The following KLHL42 variants were observed in gnomAD, a reference collection of about 807,000 sequenced individuals.
The protein encoded by KLHL42 is kelch like family member 42, also known as kelch-like protein 42.
KLHL42 carries 27 observed loss-of-function variants against 32.7 expected under a neutral mutation model. The ratio of observed to expected loss-of-function variants is 0.83; its 90% CI spans 0.61 to 1.14. The LOEUF is 1.14. Among genes scored for constraint, KLHL42 ranks in the 50% most tolerant of loss-of-function variants. The pLI is 0.00. For missense variants in KLHL42, 491 were observed against 560.8 expected, an observed-to-expected ratio of 0.88 and a Z score of 1.26; for synonymous variants, 267 against 248.2, an observed-to-expected ratio of 1.08 and a Z score of -0.71.
In KLHL42 at chr12:27,791,715, T is replaced by C; in HGVS notation, c.880T>C (p.Phe294Leu). 1 of 1,613,932 alleles carries C rather than the reference T, an allele frequency of 6.2e-7. No homozygotes were observed. Among genetic ancestry groups the C allele is most frequent in the Non-Finnish European group, 8.5e-7 (1 of 1,179,808 alleles). Residue 294 changes from phenylalanine to leucine, a missense_variant, in exon 2 of 3, where the codon TTC becomes CTC. By Grantham distance (22) the Phe-to-Leu change is conservative. Coordinates refer to ENST00000381271, the MANE Select transcript of KLHL42 (RefSeq NM_020782.2). ...VASMNQKRSN[F>L]KLVAVNSKLY... Reference sequence around the variant, plus strand: ...TTTGTGTCTCTCTTTCAGGTCTAACTTCAAACTTGTGGCTGTTAATTCAAA... The same window carrying C: ...TTTGTGTCTCTCTTTCAGGTCTAACCTCAAACTTGTGGCTGTTAATTCAAA...
chr12:27,785,819 T>C (rs560508329), intron 1 of KLHL42, among the ~76,000 whole-genome samples: 1 of 152,374 alleles, frequency 6.6e-6, no homozygotes, highest in South Asian at 2.1e-4. Context: ...AAAAAAACTA[T>C]GGAATATATT....
chr12:27,782,071 T>C (rs1005752591), intron 1 of KLHL42, among the ~76,000 whole-genome samples: 2 of 152,304 alleles, frequency 1.3e-5, no homozygotes, highest in South Asian at 4.1e-4. Flanking sequence ...AGAATCAATG[T>C]AACTCAAGAA....
intron 1 of KLHL42, chr12:27,788,030 C>A (rs1387938447): frequency 6.6e-6 from 1 of 152,182 alleles, no homozygotes; most frequent in Non-Finnish European, 1.5e-5. Context: ...CCCCTTCTCC[C>A]CTTCCTAGTC....
intron 1 of KLHL42, among the ~76,000 whole-genome samples, chr12:27,786,506 A>G (rs2062172485): frequency 6.6e-6 from 1 of 152,174 alleles, no homozygotes. Context: ...CACTGGAAGA[A>G]ATTTGGAACC....
intron 2 of KLHL42, among the ~76,000 whole-genome samples, chr12:27,796,102 T>G (rs1312897742): frequency 6.6e-6 from 1 of 151,938 alleles, no homozygotes; most frequent in Non-Finnish European, 1.5e-5. Flanking sequence ...GAAGGAGAGG[T>G]ATTAATGTGG....
chr12:27,790,389 G>C lies in KLHL42; in HGVS notation c.873-1319G>C, dbSNP rs919719129. On this transcript the variant is annotated intron_variant, in intron 1 of 2. Transcript: ENST00000381271. The stretch of plus-strand genomic sequence containing the variant: ...TATCAGCAGAGCTGGGACTAGAAGC[G>C]AGGTCTTCTGATTTGTGCTCAGGTT... Among the ~76,000 whole-genome samples the C allele has an allele frequency of 4.6e-5, 7 of 152,268 alleles. 1 individual carries two copies. The highest frequency in any genetic ancestry group is 4.6e-4 in the Admixed American group (7 of 15,300).
chr12:27,800,150 C>A lies in KLHL42; in HGVS notation c.*1984C>A. The A allele has an allele frequency of 4.1e-6, 4 of 985,324 alleles. No individual in the cohort carries two copies. The South Asian group carries it at 1.9e-4, about 46-fold the overall frequency. 61.0% of individuals were successfully genotyped at this position (985,324 alleles called of 1,614,324 possible). A position where few individuals can be genotyped will look rare whatever the true frequency, so the allele number is the denominator to read the frequency against. ...ATGAGTCAGTTGAATTAGTACTGGA[C>A]AAACAGTTGGAGATTAGTTTGCAAA... On this transcript the variant is annotated 3_prime_UTR_variant, in exon 3 of 3. Coordinates refer to ENST00000381271, the MANE Select transcript of KLHL42 (RefSeq NM_020782.2).
At chr12:27,789,848 C>T (rs2062188588) in intron 1 of KLHL42, among the ~76,000 whole-genome samples, 1 of 152,050 alleles carries the variant, frequency 6.6e-6, no homozygotes, top group African/African-American at 2.4e-5. Context: ...CTTTAAGGGA[C>T]AAGACGAGGC....
At chr12:27,793,557 AAAAAG>A (rs1382737235) in intron 2 of KLHL42, among the ~76,000 whole-genome samples, 2 of 151,886 alleles carry the variant, frequency 1.3e-5, no homozygotes, top group African/African-American at 4.8e-5. Flanking sequence ...TAAAAAAAAA[AAAAAG>A]AAAAGAAAAA....
At chr12:27,782,800 G>A (rs2062154660) in intron 1 of KLHL42, among the ~76,000 whole-genome samples, 1 of 151,110 alleles carries the variant, frequency 6.6e-6, no homozygotes, top group South Asian at 2.1e-4. Context: ...ATGCATGAAT[G>A]CATGATTCTT....
intron 2 of KLHL42, among the ~76,000 whole-genome samples, chr12:27,793,901 C>A (rs370426470): frequency 9.6e-4 from 146 of 152,264 alleles, no homozygotes; most frequent in African/African-American, 3.4e-3. Context: ...CCTGTGAGGC[C>A]GCAGCAGCCA....
At position 27,798,468 on chromosome 12, in the gene KLHL42, G is replaced by A. The variant is rs1181887172; in HGVS notation, c.*302G>A. On this transcript the variant is annotated 3_prime_UTR_variant, in exon 3 of 3. Transcript: ENST00000381271. ...AATGTAGATTCATTGTGTCTGTGTGGTAAAGGGCCAAAGTCAATAATTGGG... is the reference window on the plus strand; with the variant it reads ...AATGTAGATTCATTGTGTCTGTGTGATAAAGGGCCAAAGTCAATAATTGGG... The A allele has an allele frequency of 9.6e-6, 3 of 313,160 alleles. No homozygotes were observed. The highest frequency in any genetic ancestry group is 6.5e-5 in the African/African-American group (3 of 45,926). The allele number at this position is 313,160 out of a possible 1,614,324, so 19.4% of individuals were successfully genotyped here.
Position 27,798,953 on chromosome 12 carries a change from A to T in KLHL42, c.*787A>T, listed in dbSNP as rs2140825527. The T allele has an allele frequency of 6.5e-6, 1 of 152,720 alleles. No homozygotes were observed. Among genetic ancestry groups the T allele is most frequent in the African/African-American group, 2.4e-5 (1 of 41,544 alleles). The allele number at this position is 152,720 out of a possible 1,614,324, so 9.5% of individuals were successfully genotyped here. ...GAGGATATATTATTTAGAAAAATGGACATATGAATATTATTAAAAATTGAG... is the reference window on the plus strand; with the variant it reads ...GAGGATATATTATTTAGAAAAATGGTCATATGAATATTATTAAAAATTGAG... On this transcript the variant is annotated 3_prime_UTR_variant, in exon 3 of 3. Transcript: ENST00000381271.
At chr12:27,788,199 T>A (rs1295602806) in intron 1 of KLHL42, 2 of 152,242 alleles carry the variant, frequency 1.3e-5, no homozygotes, top group Non-Finnish European at 2.9e-5. Flanking sequence ...TTCTAATTTT[T>A]ACTCTGATGG....
In KLHL42 at chr12:27,800,544, A is replaced by G. The variant is rs1400173718; in HGVS notation, c.*2378A>G. On this transcript the variant is annotated 3_prime_UTR_variant, in exon 3 of 3. Coordinates refer to ENST00000381271, the MANE Select transcript of KLHL42 (RefSeq NM_020782.2). ...TCAGCTGTGATGACATTTTGAGGGT[A>G]GTTTTAATTTAGCTCGGTTCTCTTG... 3 of 221,412 alleles carry G rather than the reference A, an allele frequency of 1.4e-5. No homozygotes were observed. The highest frequency in any genetic ancestry group is 2.3e-5 in the Non-Finnish European group (3 of 131,422). 13.7% of individuals were successfully genotyped at this position (221,412 alleles called of 1,614,324 possible). A position where few individuals can be genotyped will look rare whatever the true frequency, so the allele number is the denominator to read the frequency against.
At chr12:27,784,129 T>G (rs1249203841) in intron 1 of KLHL42, among the ~76,000 whole-genome samples, 2 of 147,972 alleles carry the variant, frequency 1.4e-5, no homozygotes, top group East Asian at 2.0e-4. Context: ...TGTTTTTTTT[T>G]TTTGTTTTTG....
In KLHL42 at chr12:27,802,116, T is replaced by C. The variant is rs759606930; in HGVS notation, c.*3950T>C. On this transcript the variant is annotated 3_prime_UTR_variant, in exon 3 of 3. Transcript: ENST00000381271. ...TTTTCTTTTAAATTTGAACATCACATCTTGTGTTTTAGTTTTTTGCTCTAT... is the reference window on the plus strand; with the variant it reads ...TTTTCTTTTAAATTTGAACATCACACCTTGTGTTTTAGTTTTTTGCTCTAT... 6.7e-6 allele frequency: 1 copy of C among 150,238 alleles called. No homozygotes were observed. Among genetic ancestry groups the C allele is most frequent in the Non-Finnish European group, 1.5e-5 (1 of 66,974 alleles). The allele number at this position is 150,238 out of a possible 1,614,324, so 9.3% of individuals were successfully genotyped here.
intron 1 of KLHL42, among the ~76,000 whole-genome samples, chr12:27,784,973 T>C (rs1355625817): frequency 6.6e-6 from 1 of 152,236 alleles, no homozygotes; most frequent in Non-Finnish European, 1.5e-5. Flanking sequence ...CTCTTGTCTG[T>C]TATGTAATGT....
intron 2 of KLHL42, among the ~76,000 whole-genome samples, chr12:27,793,113 CA>C (rs1297632664): frequency 1.3e-5 from 2 of 152,068 alleles, no homozygotes; most frequent in Non-Finnish European, 2.9e-5. Context: ...TGATAGAGAA[CA>C]ATGTAGTTGT....
Sources: gnomAD v4.1 joint callset for allele counts (sites outside exome capture counted in the v4.1 genomes callset) on GRCh38, gnomAD v4.1.1 for gene constraint, MANE v1.5 for transcripts, NCBI Gene and HGNC (gene_info 2026-07-23, HGNC 2026-07-21) for gene names.